Variants in C7orf57 observed in about 807,000 individuals in gnomAD.
C7orf57 encodes the protein uncharacterized protein C7orf57.
Under a neutral mutation model 39.0 loss-of-function variants are expected in C7orf57, and 33 were observed. That is an observed-to-expected ratio of 0.85 (90% confidence interval 0.64 to 1.13). The LOEUF (loss-of-function observed/expected upper bound fraction) is 1.13. C7orf57 is among the 50% of genes most tolerant of loss of function. C7orf57 has a pLI of 0.00. For missense variants in C7orf57, 346 were observed against 362.3 expected, an observed-to-expected ratio of 0.95 and a Z score of 0.37; for synonymous variants, 124 against 137.1, an observed-to-expected ratio of 0.90 and a Z score of 0.67.
intron 5 of C7orf57, among the ~76,000 whole-genome samples, chr7:48,047,994 C>T (rs1013394301): frequency 4.6e-5 from 7 of 152,216 alleles, no homozygotes; most frequent in African/African-American, 1.7e-4. Context: ...CAGCTCATTT[C>T]TACAGAAATC....
chr7:48,057,271 T>C (rs1791143491), intron 8 of C7orf57, among the ~76,000 whole-genome samples: 1 of 152,164 alleles, frequency 6.6e-6, no homozygotes, highest in Admixed American at 6.5e-5. Context: ...TAGGCTATGT[T>C]TCCATTTATC....
At chr7:48,044,325 G>A (rs766174404) in intron 4 of C7orf57, among the ~76,000 whole-genome samples, 1 of 152,162 alleles carries the variant, frequency 6.6e-6, no homozygotes, top group East Asian at 1.9e-4. Flanking sequence ...ATTTAATAGA[G>A]TGAAAACAGA....
intron 3 of C7orf57, among the ~76,000 whole-genome samples, chr7:48,042,455 T>C (rs1193190972): frequency 6.6e-6 from 1 of 152,142 alleles, no homozygotes; most frequent in Non-Finnish European, 1.5e-5. Context: ...TGCTGAGGTA[T>C]AGGGGGAGGA....
chr7:48,050,729 G>A (rs1261223578), intron 6 of C7orf57, among the ~76,000 whole-genome samples: 1 of 152,290 alleles, frequency 6.6e-6, no homozygotes, highest in Admixed American at 6.5e-5. Flanking sequence ...AGCATTAGGA[G>A]TGGCCTTGAT....
chr7:48,047,398 G>T (rs1790749136), intron 5 of C7orf57, among the ~76,000 whole-genome samples: 1 of 152,252 alleles, frequency 6.6e-6, no homozygotes, highest in African/African-American at 2.4e-5. Context: ...GTTGTCACCT[G>T]ATGGGTGATC....
intron 5 of C7orf57, among the ~76,000 whole-genome samples, chr7:48,048,742 C>T (rs1475590209): frequency 1.3e-5 from 2 of 152,078 alleles, no homozygotes; most frequent in African/African-American, 4.8e-5. Context: ...TTATAGTCAG[C>T]CTCTCCCCTG....
intron 6 of C7orf57, among the ~76,000 whole-genome samples, chr7:48,051,871 CTCTTTCTCT>C (rs1562630402): frequency 6.6e-4 from 21 of 31,848 alleles, no homozygotes; most frequent in Non-Finnish European, 9.4e-4. Flanking sequence ...TTCTTTCTTT[CTCTTTCTCT>C]TTCTTTCTTT....
At chr7:48,041,208 T>C (rs1790536136) in intron 2 of C7orf57, 126 bp from the exon 3 acceptor site, 1 of 775,590 alleles carries the variant, frequency 1.3e-6, no homozygotes, top group East Asian at 3.0e-5. Flanking sequence ...TCTTCCTTGC[T>C]AATGGGCTCT....
At chr7:48,054,210 T>G (rs1186124183) in intron 7 of C7orf57, among the ~76,000 whole-genome samples, 1 of 151,842 alleles carries the variant, frequency 6.6e-6, no homozygotes, top group African/African-American at 2.4e-5. Context: ...AGGTCAGGAG[T>G]TCGAGACCAG....
At chr7:48,045,892 G>C (rs1254827554) in intron 4 of C7orf57, among the ~76,000 whole-genome samples, 11 of 152,064 alleles carry the variant, frequency 7.2e-5, no homozygotes, top group Non-Finnish European at 1.0e-4. Flanking sequence ...CATCCAACAG[G>C]AAACAGAGCA....
At chr7:48,038,129 C>G (rs1336832656) in intron 2 of C7orf57, among the ~76,000 whole-genome samples, 1 of 151,890 alleles carries the variant, frequency 6.6e-6, no homozygotes, top group Non-Finnish European at 1.5e-5. Context: ...TTTTTCTTTC[C>G]TTTTCGAAAC....
At position 48,051,877 on chromosome 7, in the gene C7orf57, C is replaced by CCT. The variant is rs1272186817; in HGVS notation, c.606-823_606-822insCT. Among the ~76,000 whole-genome samples the CCT allele has an allele frequency of 0.01, 403 of 39,054 alleles. 41 individuals are homozygous for CCT. The Middle Eastern group carries it at 0.11, about 11-fold the overall frequency. The allele number at this position is 39,054 out of a possible 152,430, so 25.6% of individuals were successfully genotyped here. A position where few individuals can be genotyped will look rare whatever the true frequency, so the allele number is the denominator to read the frequency against. Reference sequence around the variant, plus strand: ...TTTCTTTCTTTCTTTCTTTCTCTTTCTCTTTCTTTCTTTCCTTCCTTCCTT... The same window carrying CCT: ...TTTCTTTCTTTCTTTCTTTCTCTTTCCTTCTTTCTTTCTTTCCTTCCTTCCTT... On this transcript the variant is annotated intron_variant, in intron 6 of 8. Coordinates refer to ENST00000348904, the MANE Select transcript of C7orf57 (RefSeq NM_001100159.3).
Position 48,041,322 on chromosome 7 carries a change from TCTC to T in C7orf57, c.56-8_56-6del. 1.2e-6 allele frequency: 2 copies of T among 1,601,936 alleles called. No homozygotes were observed. Among genetic ancestry groups the T allele is most frequent in the Non-Finnish European group, 1.7e-6 (2 of 1,172,322 alleles). ...CAGCAACAGTGTGGCCCTCCGCCTCTCTCCTCTATAGATTGGTATTACCACGTC... is the reference window on the plus strand; with the variant it reads ...CAGCAACAGTGTGGCCCTCCGCCTCTCTCTATAGATTGGTATTACCACGTC... On this transcript the variant is annotated splice_polypyrimidine_tract_variant and intron_variant, in intron 2 of 8. Coordinates refer to ENST00000348904, the MANE Select transcript of C7orf57 (RefSeq NM_001100159.3).
Position 48,052,769 on chromosome 7 carries a change from G to C in C7orf57, c.675G>C (p.Trp225Cys). 6.2e-7 allele frequency: 1 copy of C among 1,614,040 alleles called. No individual in the cohort carries two copies. The highest frequency in any genetic ancestry group is 8.5e-7 in the Non-Finnish European group (1 of 1,179,898). ...TTAGCAATGGTTATAAGGATGAGTG[G>C]TTGCAGCAGCAGCAGCGAGCTGACT... ...KLISNGYKDEWLQQQQRADSD... is the reference protein window; with the variant it reads ...KLISNGYKDECLQQQQRADSD... Residue 225 changes from tryptophan (W) to cysteine (C), a missense_variant, in exon 7 of 9, where the codon TGG (tryptophan) becomes TGC (cysteine). Physicochemically the swap from Trp to Cys is radical, Grantham distance 215. Transcript: ENST00000348904.
intron 8 of C7orf57, among the ~76,000 whole-genome samples, chr7:48,055,515 A>G (rs552421801): frequency 6.6e-6 from 1 of 152,272 alleles, no homozygotes; most frequent in Admixed American, 6.5e-5. Context: ...ACAATATATT[A>G]TTATTAACTT....
intron 4 of C7orf57, among the ~76,000 whole-genome samples, chr7:48,045,314 C>T (rs1458159389): frequency 6.6e-6 from 1 of 152,052 alleles, no homozygotes; most frequent in East Asian, 1.9e-4. Flanking sequence ...CAATGCTCAT[C>T]TGTTTCTGTG....
rs1438675608 is a variant in C7orf57, at chr7:48,046,684, G to A, written c.507+68G>A. ...CTTCTGTGGTCTCGAGTAATTAAGT[G>A]CTGTGATGTTAGCTGCTGGTGGCGT... On this transcript the variant is annotated intron_variant, in intron 5 of 8. Transcript: ENST00000348904. The A allele has an allele frequency of 1.9e-5, 29 of 1,519,236 alleles. 1 individual carries two copies. Among genetic ancestry groups the A allele is most frequent in the Non-Finnish European group, 2.3e-5 (26 of 1,124,928 alleles). The allele number at this position is 1,519,236 out of a possible 1,614,324, so 94.1% of individuals were successfully genotyped here. A position where few individuals can be genotyped will look rare whatever the true frequency, so the allele number is the denominator to read the frequency against.
chr7:48,036,589 T>C (rs1790373688), intron 2 of C7orf57, among the ~76,000 whole-genome samples: 1 of 152,174 alleles, frequency 6.6e-6, no homozygotes, highest in Admixed American at 6.5e-5. Flanking sequence ...TTTTTCTTTA[T>C]TTTCAACAAG....
chr7:48,048,696 T>C (rs1165298269), intron 5 of C7orf57, among the ~76,000 whole-genome samples: 1 of 152,124 alleles, frequency 6.6e-6, no homozygotes, highest in African/African-American at 2.4e-5. Context: ...AAGGAACATA[T>C]AGCAGTTCTG....
Sources: allele counts gnomAD v4.1 joint callset (sites outside exome capture counted in the v4.1 genomes callset), GRCh38; gene constraint gnomAD v4.1.1; transcripts MANE v1.5; gene names NCBI Gene and HGNC (gene_info 2026-07-23, HGNC 2026-07-21).